Variants in PABIR3 observed in about 807,000 individuals in gnomAD.
PABIR3 encodes PABIR family member 3, also known as PABIR family member 1.
PABIR3 carries 20 observed loss-of-function variants against 23.1 expected under a neutral mutation model. The ratio of observed to expected loss-of-function variants is 0.86; its 90% CI spans 0.61 to 1.26. PABIR3 has a LOEUF of 1.26. Among genes scored for constraint, PABIR3 ranks in the 50% most tolerant of loss-of-function variants. The pLI, the probability that PABIR3 is intolerant of heterozygous loss-of-function variation, is 0.00. For missense variants in PABIR3, 189 were observed against 195.4 expected, an observed-to-expected ratio of 0.97 and a Z score of 0.20; for synonymous variants, 69 against 68.5, an observed-to-expected ratio of 1.01 and a Z score of -0.04.
intron 2 of PABIR3, chrX:134,810,078 G>A: frequency 1.3e-6 from 1 of 754,029 alleles, no homozygotes; most frequent in Non-Finnish European, 1.6e-6. Flanking sequence ...GAGCAGTAGG[G>A]AGAATGTTGG....
chrX:134,828,383 G>A (rs1017799051), intron 3 of PABIR3, among the ~76,000 whole-genome samples: 4 of 111,135 alleles, frequency 3.6e-5, no homozygotes, highest in South Asian at 3.7e-4. Context: ...GAGCTACCGC[G>A]CCCGGCCTCA....
intron 2 of PABIR3, chrX:134,810,052 CT>C: frequency 1.3e-6 from 1 of 754,232 alleles, no homozygotes; most frequent in Non-Finnish European, 1.6e-6. Context: ...ATGGGACCCA[CT>C]CTACTAGTAG....
At chrX:134,834,930 A>G (rs2081923330) in intron 4 of PABIR3, among the ~76,000 whole-genome samples, 1 of 111,927 alleles carries the variant, frequency 8.9e-6, no homozygotes, top group Non-Finnish European at 1.9e-5. Flanking sequence ...TTTTTGTTCC[A>G]TGCCTCTTAT....
chrX:134,837,238 C>T (rs1046648268), intron 4 of PABIR3, among the ~76,000 whole-genome samples: 1 of 109,600 alleles, frequency 9.1e-6, no homozygotes, highest in African/African-American at 3.3e-5. Context: ...CCCAGCTACT[C>T]GGGAGGCTGA....
At chrX:134,839,492 C>G (rs1167373335) in intron 4 of PABIR3, 36 of 124,100 alleles carry the variant, frequency 2.9e-4, no homozygotes, top group African/African-American at 1.2e-3. Context: ...GGAGCCCCTC[C>G]GCCCGGCAGC....
rs143497131 is a variant in PABIR3, at chrX:134,845,495, C to G, written c.345+94C>G. The G allele has an allele frequency of 3.4e-4, 252 of 739,036 alleles. No individual in the cohort carries two copies. In the African/African-American group the frequency reaches 4.9e-3, roughly 14 times the overall value. The allele number at this position is 739,036 out of a possible 1,213,427, so 60.9% of individuals were successfully genotyped here. A position where few individuals can be genotyped will look rare whatever the true frequency, so the allele number is the denominator to read the frequency against. ...TAGTTTTGCTGTAATTTCTAGAAATCTAAGCTCTATTTTGAAACAAAAATT... is the reference window on the plus strand; with the variant it reads ...TAGTTTTGCTGTAATTTCTAGAAATGTAAGCTCTATTTTGAAACAAAAATT... On this transcript the variant is annotated intron_variant, in intron 6 of 10. Coordinates refer to ENST00000645433, the MANE Select transcript of PABIR3 (RefSeq NM_001388447.1).
At chrX:134,846,492 C>T (rs2082441448) in intron 6 of PABIR3, among the ~76,000 whole-genome samples, 1 of 112,136 alleles carries the variant, frequency 8.9e-6, no homozygotes, top group South Asian at 3.7e-4. Flanking sequence ...ATTTAGTGTT[C>T]TTTTCTATGG....
the PABIR3 span, among the ~76,000 whole-genome samples, chrX:134,862,642 CTT>C: frequency 1.8e-5 from 2 of 111,831 alleles, no homozygotes; most frequent in African/African-American, 6.5e-5. Context: ...CTGTCTATTA[CTT>C]GTGTAATCAA....
the PABIR3 span, among the ~76,000 whole-genome samples, chrX:134,864,749 T>C: frequency 8.9e-6 from 1 of 112,487 alleles, no homozygotes; most frequent in Admixed American, 9.5e-5. Context: ...TGAGAGTTGT[T>C]ACTAATAAAG....
upstream of PABIR3, chrX:134,804,005 G>C (rs1230450617): frequency 5.7e-5 from 14 of 247,372 alleles, no homozygotes; most frequent in Middle Eastern, 1.1e-3. Context: ...ACTTGCTCTT[G>C]TGGTAACTAA....
At chrX:134,842,984 C>G (rs367922741) in intron 4 of PABIR3, among the ~76,000 whole-genome samples, 2 of 109,709 alleles carry the variant, frequency 1.8e-5, no homozygotes, top group African/African-American at 6.6e-5. Flanking sequence ...GGGCGGATCA[C>G]AAGGTCAGGA....
At chrX:134,842,508 T>C (rs926494035) in intron 4 of PABIR3, among the ~76,000 whole-genome samples, 1 of 111,054 alleles carries the variant, frequency 9.0e-6, no homozygotes, top group Non-Finnish European at 1.9e-5. Context: ...CTCAGGAGGC[T>C]GAATCGGGAG....
intron 1 of PABIR3, among the ~76,000 whole-genome samples, chrX:134,800,435 G>A (rs2080035454): frequency 9.0e-6 from 1 of 111,056 alleles, no homozygotes; most frequent in South Asian, 3.7e-4. Flanking sequence ...CACTCAGCCC[G>A]GGCAACAGAA....
chrX:134,826,298 T>G (rs1360368666), intron 3 of PABIR3, among the ~76,000 whole-genome samples: 1 of 111,797 alleles, frequency 8.9e-6, no homozygotes, highest in Non-Finnish European at 1.9e-5. Flanking sequence ...GCTGGCAAAC[T>G]CCTTGTTCTG....
At chrX:134,804,338 T>C, upstream of PABIR3, 9 of 709,035 alleles carry the variant, frequency 1.3e-5, no homozygotes, top group East Asian at 4.0e-5. Context: ...GAATTCTTGC[T>C]GTTTTTGTAT....
downstream of PABIR3, among the ~76,000 whole-genome samples, chrX:134,859,139 G>A (rs183329857): frequency 1.1e-3 from 117 of 110,917 alleles, 1 homozygote; most frequent in Admixed American, 0.011. Context: ...TCTTTGGGCA[G>A]GTCACTTCAC....
intron 2 of PABIR3, chrX:134,811,160 C>T: frequency 1.3e-6 from 1 of 749,807 alleles, no homozygotes; most frequent in Non-Finnish European, 1.6e-6. Flanking sequence ...ATATCTTGAA[C>T]TAATAAAAAT....
At chrX:134,832,772 C>A (rs1368112570) in intron 4 of PABIR3, among the ~76,000 whole-genome samples, 1 of 111,463 alleles carries the variant, frequency 9.0e-6, no homozygotes, top group African/African-American at 3.3e-5. Flanking sequence ...TTTATCCATT[C>A]ATCTGTTGAT....
chrX:134,809,144 C>A, intron 2 of PABIR3: 1 of 154,224 alleles, frequency 6.5e-6, no homozygotes, highest in Non-Finnish European at 1.2e-5. Context: ...TTCTGAAGAT[C>A]TGGGATTACT....
Sources: allele counts gnomAD v4.1 joint callset (sites outside exome capture counted in the v4.1 genomes callset), GRCh38; gene constraint gnomAD v4.1.1; transcripts MANE v1.5; gene names NCBI Gene and HGNC (gene_info 2026-07-23, HGNC 2026-07-21).